Variants in KIAA1328 observed in about 807,000 individuals in gnomAD.
The protein encoded by KIAA1328 is protein hinderin.
KIAA1328 carries 52 observed loss-of-function variants against 68.1 expected under a neutral mutation model. The observed-to-expected ratio is 0.76, with a 90% confidence interval of 0.61 to 0.96. The LOEUF is 0.96. Ranked by LOEUF, KIAA1328 falls within the 40% of genes least tolerant of loss-of-function variation. KIAA1328 has a pLI of 0.00. For synonymous variants in KIAA1328, 232 were observed against 239.4 expected, an observed-to-expected ratio of 0.97 and a Z score of 0.28; for missense variants, 641 against 677.6, an observed-to-expected ratio of 0.95 and a Z score of 0.60.
At position 37,133,589 on chromosome 18, in the gene KIAA1328, G is replaced by A. The variant is rs1316879063; in HGVS notation, c.1233-26611G>A. 4.1e-5 allele frequency among the ~76,000 whole-genome samples: 6 copies of A among 144,658 alleles called. No homozygotes were observed. In the East Asian group the frequency reaches 6.2e-4, roughly 15 times the overall value. 94.9% of individuals were successfully genotyped at this position (144,658 alleles called of 152,430 possible). ...CGCCCAGGCTGGAGTGCAGTGGCCC[G>A]ATCTCTGCTCACTGCAAGCTCCGCC... is the stretch of plus-strand genomic sequence containing the variant. On this transcript the variant is annotated intron_variant, in intron 7 of 9. Coordinates refer to ENST00000280020, the MANE Select transcript of KIAA1328 (RefSeq NM_020776.3).
At chr18:37,064,716 G>A (rs2056284821) in intron 6 of KIAA1328, among the ~76,000 whole-genome samples, 3 of 152,106 alleles carry the variant, frequency 2.0e-5, no homozygotes, top group African/African-American at 7.2e-5. Flanking sequence ...GGAGCAGAAG[G>A]AGTCAGAGGA....
At chr18:37,086,415 C>G (rs2057105784) in intron 7 of KIAA1328, among the ~76,000 whole-genome samples, 2 of 152,204 alleles carry the variant, frequency 1.3e-5, no homozygotes, top group African/African-American at 4.8e-5. Context: ...AAATCCTGCT[C>G]TAGTATGAAC....
intron 6 of KIAA1328, among the ~76,000 whole-genome samples, chr18:37,003,453 T>C (rs965498251): frequency 2.0e-5 from 3 of 152,098 alleles, no homozygotes; most frequent in African/African-American, 7.2e-5. Context: ...AGGGGACTCA[T>C]ATCCAGGATG....
At chr18:37,226,550 C>T (rs1388812149), downstream of KIAA1328, among the ~76,000 whole-genome samples, 1 of 151,316 alleles carries the variant, frequency 6.6e-6, no homozygotes, top group African/African-American at 2.5e-5. Context: ...AAATCATATT[C>T]TATGTGGTCT....
chr18:37,121,156 A>G (rs2058258357), intron 7 of KIAA1328, among the ~76,000 whole-genome samples: 1 of 152,172 alleles, frequency 6.6e-6, no homozygotes, highest in Admixed American at 6.6e-5. Context: ...CATTTTATGA[A>G]TGTGTGAACT....
intron 6 of KIAA1328, among the ~76,000 whole-genome samples, chr18:37,064,238 A>G (rs557239280): frequency 3.3e-5 from 5 of 152,328 alleles, no homozygotes; most frequent in South Asian, 4.1e-4. Context: ...TCATTTAAAT[A>G]GAAATCCTTT....
At chr18:37,175,664 A>C (rs1350435580) in intron 9 of KIAA1328, among the ~76,000 whole-genome samples, 3 of 152,180 alleles carry the variant, frequency 2.0e-5, no homozygotes, top group African/African-American at 7.2e-5. Context: ...TCCAGATTTC[A>C]GAATCAGGAT....
chr18:36,990,181 G>GA (rs1374507762), intron 6 of KIAA1328, among the ~76,000 whole-genome samples: 11 of 151,874 alleles, frequency 7.2e-5, no homozygotes, highest in Non-Finnish European at 1.2e-4. Flanking sequence ...AGTTCTTTAA[G>GA]AAAAATGGTC....
intron 4 of KIAA1328, among the ~76,000 whole-genome samples, chr18:36,882,400 T>C (rs1429375584): frequency 6.6e-6 from 1 of 152,210 alleles, no homozygotes; most frequent in East Asian, 1.9e-4. Flanking sequence ...ACAGATTTCA[T>C]AATGAATATC....
chr18:36,857,092 A>AGC (rs2047409709), intron 4 of KIAA1328, among the ~76,000 whole-genome samples: 1 of 152,094 alleles, frequency 6.6e-6, no homozygotes, highest in Non-Finnish European at 1.5e-5. Context: ...TTGCACTGCT[A>AGC]AGGCAAGGAG....
rs1031056613 is a variant in KIAA1328, at chr18:37,172,915, GA to G, written c.1415-56del. ...AATGTCTTATAAATTTACTAAGAGTGAACTTTTCCATTTTCTTTTACTGAAT... is the reference window on the plus strand; with the variant it reads ...AATGTCTTATAAATTTACTAAGAGTGACTTTTCCATTTTCTTTTACTGAAT... On this transcript the variant is annotated intron_variant, in intron 8 of 9. Coordinates refer to ENST00000280020, the MANE Select transcript of KIAA1328 (RefSeq NM_020776.3). 4.7e-6 allele frequency: 6 copies of G among 1,289,416 alleles called. No individual in the cohort carries two copies. In the African/African-American group the frequency reaches 8.9e-5, roughly 19 times the overall value. 79.9% of individuals were successfully genotyped at this position (1,289,416 alleles called of 1,614,324 possible).
At position 37,224,776 on chromosome 18, in the gene KIAA1328, C is replaced by G. The variant is rs2060618227; in HGVS notation, c.*2549C>G. 1.0e-6 allele frequency: 1 copy of G among 985,308 alleles called. No homozygotes were observed. The highest frequency in any genetic ancestry group is 6.1e-5 in the Admixed American group (1 of 16,266). The allele number at this position is 985,308 out of a possible 1,614,324, so 61.0% of individuals were successfully genotyped here. On this transcript the variant is annotated 3_prime_UTR_variant, in exon 10 of 10. Transcript: ENST00000280020. ...CCTCTAGACACTTCCCAAAGCAAGA[C>G]TGGACACATGCCGAGGGCGTTGCGG...
intron 9 of KIAA1328, among the ~76,000 whole-genome samples, chr18:37,184,889 C>T (rs1447033836): frequency 6.6e-6 from 1 of 152,056 alleles, no homozygotes; most frequent in Non-Finnish European, 1.5e-5. Context: ...GTTGGCCAGG[C>T]GTGGTGGCTC....
intron 5 of KIAA1328, among the ~76,000 whole-genome samples, chr18:36,943,258 C>A (rs1264755631): frequency 6.6e-6 from 1 of 152,152 alleles, no homozygotes; most frequent in Non-Finnish European, 1.5e-5. Context: ...TATAAAGGAA[C>A]AAAAATTTTG....
chr18:36,984,422 A>T (rs2151384116), intron 6 of KIAA1328, among the ~76,000 whole-genome samples: 1 of 152,348 alleles, frequency 6.6e-6, no homozygotes, highest in East Asian at 1.9e-4. Context: ...TATAGGATAC[A>T]ACATCAGTGT....
chr18:36,961,104 G>T (rs150978481), intron 6 of KIAA1328, among the ~76,000 whole-genome samples: 2 of 152,048 alleles, frequency 1.3e-5, no homozygotes, highest in Non-Finnish European at 2.9e-5. Context: ...GAATAAACAC[G>T]GTAGAGAAGA....
intron 4 of KIAA1328, among the ~76,000 whole-genome samples, chr18:36,849,569 G>A (rs2047145045): frequency 6.6e-6 from 1 of 151,934 alleles, no homozygotes; most frequent in Admixed American, 6.6e-5. Context: ...TTCAAGGTTG[G>A]CTGAGTAACA....
intron 4 of KIAA1328, among the ~76,000 whole-genome samples, chr18:36,878,379 T>A (rs2048213103): frequency 6.6e-6 from 1 of 152,198 alleles, no homozygotes; most frequent in Non-Finnish European, 1.5e-5. Flanking sequence ...TGCAGAAAGA[T>A]CCGTTGTTAG....
chr18:36,880,141 C>T (rs977895127), intron 4 of KIAA1328, among the ~76,000 whole-genome samples: 2 of 152,056 alleles, frequency 1.3e-5, no homozygotes, highest in African/African-American at 2.4e-5. Flanking sequence ...TGCTTTATAC[C>T]CAGGGCCCTG....
Sources: gnomAD v4.1 joint callset for allele counts (sites outside exome capture counted in the v4.1 genomes callset) on GRCh38, gnomAD v4.1.1 for gene constraint, MANE v1.5 for transcripts, NCBI Gene and HGNC (gene_info 2026-07-23, HGNC 2026-07-21) for gene names.